The following FAM222A variants were observed in gnomAD, a reference collection of about 807,000 sequenced individuals.
FAM222A encodes the protein family with sequence similarity 222 member A.
In FAM222A, 7 loss-of-function variants were observed where a neutral mutation model predicts 25.8. That is an observed-to-expected ratio of 0.27 (90% CI 0.15 to 0.51). FAM222A has a LOEUF of 0.51. Among genes scored for constraint, FAM222A ranks in the 20% least tolerant of loss-of-function variants. The pLI is 0.97. For missense variants in FAM222A, 573 were observed against 640.5 expected (o/e 0.89, Z 1.14); for synonymous variants, 294 against 298.8 (o/e 0.98, Z 0.17).
chr12:109,745,916 T>TG, intron 2 of FAM222A, among the ~76,000 whole-genome samples: 1 of 152,318 alleles, frequency 6.6e-6, no homozygotes, highest in Middle Eastern at 3.4e-3. Flanking sequence ...TCCTTTTTTT[T>TG]TTTTAATTGG....
At chr12:109,761,635 G>A (rs903665404) in intron 2 of FAM222A, among the ~76,000 whole-genome samples, 4 of 152,160 alleles carry the variant, frequency 2.6e-5, no homozygotes, top group Non-Finnish European at 5.9e-5. Context: ...CTCTTTCCAT[G>A]TGTCTCCCTG....
intron 1 of FAM222A, among the ~76,000 whole-genome samples, chr12:109,737,721 G>A (rs868302991): frequency 6.6e-6 from 1 of 152,166 alleles, no homozygotes; most frequent in Non-Finnish European, 1.5e-5. Context: ...GGTGTGACTT[G>A]AAGAATCCCC....
At chr12:109,729,849 T>C (rs1399919686) in intron 1 of FAM222A, among the ~76,000 whole-genome samples, 1 of 152,236 alleles carries the variant, frequency 6.6e-6, no homozygotes. Flanking sequence ...ATACAATTCA[T>C]TGTGTGCCAA....
rs1246298292 is a variant in FAM222A at position 109,713,966 on chromosome 12, C to G, written c.-978C>G. On this transcript the variant is annotated 5_prime_UTR_variant, in exon 1 of 3. Coordinates refer to ENST00000538780, the MANE Select transcript of FAM222A (RefSeq NM_032829.3). ...CGCGGCACCCGGGCCTGAGACCAGGCGAGGCGCCGGCGCGCGCCAGACGGC... is the reference window on the plus strand; with the variant it reads ...CGCGGCACCCGGGCCTGAGACCAGGGGAGGCGCCGGCGCGCGCCAGACGGC... Among the ~76,000 whole-genome samples the G allele has an allele frequency of 1.4e-5, 2 of 146,106 alleles. No homozygotes were observed.
chr12:109,750,496 A>G (rs1219050188), intron 2 of FAM222A, among the ~76,000 whole-genome samples: 1 of 152,156 alleles, frequency 6.6e-6, no homozygotes, highest in Non-Finnish European at 1.5e-5. Flanking sequence ...TCTACTTATA[A>G]TCTTGTCCCC....
At chr12:109,730,555 C>G (rs1235052300) in intron 1 of FAM222A, among the ~76,000 whole-genome samples, 4 of 152,158 alleles carry the variant, frequency 2.6e-5, no homozygotes, top group African/African-American at 9.7e-5. Flanking sequence ...CTCAGATACT[C>G]CTTTTTCTGG....
chr12:109,718,162 GCTA>G (rs996155208), intron 1 of FAM222A, among the ~76,000 whole-genome samples: 107 of 152,194 alleles, frequency 7.0e-4, no homozygotes, highest in African/African-American at 2.1e-3. Context: ...TGTTGTCATG[GCTA>G]CTGTTACCTC....
chr12:109,767,086 T>TC (rs1257785434), intron 2 of FAM222A, among the ~76,000 whole-genome samples: 190 of 147,404 alleles, frequency 1.3e-3, no homozygotes, highest in Middle Eastern at 3.5e-3. Context: ...TTTTTTTTTT[T>TC]CTTATAAAGA....
At chr12:109,728,102 T>A (rs930999074) in intron 1 of FAM222A, among the ~76,000 whole-genome samples, 3 of 152,196 alleles carry the variant, frequency 2.0e-5, no homozygotes, top group African/African-American at 7.2e-5. Flanking sequence ...GCTTGGTACC[T>A]AAGCACACTC....
chr12:109,744,293 C>A (rs544119911), intron 2 of FAM222A, 65 bp downstream of exon 2: 8 of 1,543,260 alleles, frequency 5.2e-6, no homozygotes, highest in African/African-American at 2.7e-5. Flanking sequence ...ATTCACCCCC[C>A]AGGATGTCCA....
In FAM222A at chr12:109,741,644, C is replaced by T. The variant is rs1044307074; in HGVS notation, c.-46-2457C>T. ...AGAGAAGGGCTGGACTTCTGGACCC[C>T]AGTAAAAGGCTGGAGATAGGGCCGG... On this transcript the variant is annotated intron_variant, in intron 1 of 2. Transcript: ENST00000538780. 4.6e-5 allele frequency among the ~76,000 whole-genome samples: 7 copies of T among 152,328 alleles called. No homozygotes were observed. The South Asian group carries it at 1.4e-3, about 32-fold the overall frequency.
chr12:109,753,153 G>A lies in FAM222A; in HGVS notation c.82+8925G>A, dbSNP rs146851752. 2.6e-3 allele frequency among the ~76,000 whole-genome samples: 397 copies of A among 152,298 alleles called. 1 individual carries two copies. Among genetic ancestry groups the A allele is most frequent in the African/African-American group, 8.8e-3 (364 of 41,556 alleles). ...GAAGCCCCAGAGAGGCACCGTGGGG[G>A]CCTGTGGCGAGGTGGGGTTACTCAG... is the stretch of plus-strand genomic sequence containing the variant. On this transcript the variant is annotated intron_variant, in intron 2 of 2. Coordinates refer to ENST00000538780, the MANE Select transcript of FAM222A (RefSeq NM_032829.3).
intron 2 of FAM222A, among the ~76,000 whole-genome samples, chr12:109,750,360 C>T (rs995106766): frequency 6.6e-6 from 1 of 152,052 alleles, no homozygotes; most frequent in African/African-American, 2.4e-5. Flanking sequence ...GTTTTGATTC[C>T]AGCTATTAAA....
chr12:109,748,607 T>G (rs1888473663), intron 2 of FAM222A, among the ~76,000 whole-genome samples: 1 of 152,124 alleles, frequency 6.6e-6, no homozygotes, highest in Non-Finnish European at 1.5e-5. Flanking sequence ...TTCGGTAAAT[T>G]ATGTTTCTCT....
At chr12:109,748,380 AT>A (rs1888467931) in intron 2 of FAM222A, among the ~76,000 whole-genome samples, 1 of 87,432 alleles carries the variant, frequency 1.1e-5, no homozygotes, top group African/African-American at 4.5e-5. Context: ...GGGTTTTGCT[AT>A]GTTACACTGA....
chr12:109,744,200 C>T lies in FAM222A; in HGVS notation c.54C>T (p.Cys18=). Residue 18 remains cysteine, a synonymous_variant, in exon 2 of 3, where the codon TGC becomes TGT. Transcript: ENST00000538780. Reference sequence around the variant, plus strand: ...ACGCCCCGGGCCAACACCTGGCCTGCCCGAGCAAGAGCCTGGAGCTGCGCA... The same window carrying T: ...ACGCCCCGGGCCAACACCTGGCCTGTCCGAGCAAGAGCCTGGAGCTGCGCA... ...TQNAPGQHLA[C]PSKSLELRKC... The T allele has an allele frequency of 6.2e-7, 1 of 1,613,334 alleles. No homozygotes were observed. The highest frequency in any genetic ancestry group is 8.5e-7 in the Non-Finnish European group (1 of 1,179,998).
At chr12:109,724,470 GT>G in intron 1 of FAM222A, among the ~76,000 whole-genome samples, 1 of 152,208 alleles carries the variant, frequency 6.6e-6, no homozygotes, top group East Asian at 1.9e-4. Flanking sequence ...TCTTGCCCTG[GT>G]GCCCAGCCTG....
chr12:109,767,254 G>A (rs182253384), intron 2 of FAM222A, among the ~76,000 whole-genome samples: 14 of 152,090 alleles, frequency 9.2e-5, no homozygotes, highest in Non-Finnish European at 2.1e-4. Context: ...TGGGCCAGGT[G>A]CAGTGGCTCA....
intron 1 of FAM222A, among the ~76,000 whole-genome samples, chr12:109,733,830 C>T (rs752263074): frequency 3.9e-5 from 6 of 152,086 alleles, no homozygotes; most frequent in East Asian, 1.9e-4. Flanking sequence ...AGCAAGCCAG[C>T]GTGTCTGAGC....
Sources: allele counts gnomAD v4.1 joint callset (sites outside exome capture counted in the v4.1 genomes callset), GRCh38; gene constraint gnomAD v4.1.1; transcripts MANE v1.5; gene names NCBI Gene and HGNC (gene_info 2026-07-23, HGNC 2026-07-21).